Variants in LGR5 observed in about 807,000 individuals in gnomAD.
LGR5 encodes the protein leucine-rich repeat-containing G protein-coupled receptor 5.
LGR5 carries 54 observed loss-of-function variants against 76.7 expected under a neutral mutation model. The observed-to-expected ratio is 0.70, with a 90% confidence interval of 0.57 to 0.88. The LOEUF is 0.88. LGR5 is among the 40% of genes least tolerant of loss of function. LGR5 has a pLI of 0.00. For synonymous variants in LGR5, 406 were observed against 421.9 expected, an observed-to-expected ratio of 0.96 and a Z score of 0.46; for missense variants, 1,078 against 1,073.3, an observed-to-expected ratio of 1.00 and a Z score of -0.06.
intron 13 of LGR5, among the ~76,000 whole-genome samples, chr12:71,574,029 C>A (rs2137460750): frequency 6.6e-6 from 1 of 151,688 alleles, no homozygotes; most frequent in East Asian, 1.9e-4. Flanking sequence ...TCTTATTCAC[C>A]CGGTTTGATG....
chr12:71,558,676 T>C (rs1022734276), intron 6 of LGR5, among the ~76,000 whole-genome samples: 8 of 152,210 alleles, frequency 5.3e-5, no homozygotes, highest in Non-Finnish European at 8.8e-5. Flanking sequence ...TCTCTTTAAA[T>C]TAAATAGCAA....
intron 1 of LGR5, among the ~76,000 whole-genome samples, chr12:71,445,746 A>G (rs1281434528): frequency 6.6e-6 from 1 of 152,206 alleles, no homozygotes; most frequent in African/African-American, 2.4e-5. Context: ...AAATGGAATA[A>G]TGTATCTAGT....
intron 4 of LGR5, among the ~76,000 whole-genome samples, chr12:71,548,167 G>A (rs943486308): frequency 1.2e-4 from 18 of 152,152 alleles, no homozygotes; most frequent in Admixed American, 5.9e-4. Flanking sequence ...CAATTTCAAT[G>A]GATGCGTAAA....
intron 4 of LGR5, among the ~76,000 whole-genome samples, chr12:71,540,583 G>A (rs962091959): frequency 1.3e-4 from 20 of 152,040 alleles, no homozygotes; most frequent in Non-Finnish European, 1.8e-4. Context: ...TAACTTCATC[G>A]GATTCTGCAT....
chr12:71,469,187 C>T (rs1872984915), intron 1 of LGR5, among the ~76,000 whole-genome samples: 1 of 152,124 alleles, frequency 6.6e-6, no homozygotes, highest in South Asian at 2.1e-4. Context: ...ATTTATTCAG[C>T]CTGAAAAGTA....
rs78041651 is a variant in LGR5 at position 71,496,970 on chromosome 12, A to G, written c.213-7644A>G. Among the ~76,000 whole-genome samples, 248 of 152,278 alleles carry G rather than the reference A, an allele frequency of 1.6e-3. 3 individuals carry two copies. In the East Asian group the frequency reaches 0.025, roughly 15 times the overall value. On this transcript the variant is annotated intron_variant, in intron 1 of 17. Transcript: ENST00000266674. ...CATGAGGGGGTTCTGAGGTGATGTC[A>G]ATATTCTATTTCTTGATTTGTGCTA...
chr12:71,542,175 C>G (rs1255003562), intron 4 of LGR5, among the ~76,000 whole-genome samples: 1 of 152,070 alleles, frequency 6.6e-6, no homozygotes, highest in East Asian at 1.9e-4. Context: ...ATGAGGAAAC[C>G]GTAGGTGAGA....
At chr12:71,456,882 AG>A (rs1872503436) in intron 1 of LGR5, among the ~76,000 whole-genome samples, 1 of 152,046 alleles carries the variant, frequency 6.6e-6, no homozygotes, top group South Asian at 2.1e-4. Context: ...CCACTTTGAA[AG>A]GTAAAGATAT....
At chr12:71,489,573 T>C (rs971944209) in intron 1 of LGR5, among the ~76,000 whole-genome samples, 1 of 152,194 alleles carries the variant, frequency 6.6e-6, no homozygotes, top group African/African-American at 2.4e-5. Context: ...CTTCCATTAA[T>C]ATTTAGGTTT....
chr12:71,584,096 G>C lies in LGR5; in HGVS notation c.2086G>C (p.Ala696Pro). ...CTGTGCCCTGCTGGCCTTGACCATG[G>C]CCGCAGTTCCCCTGCTGGGTGGCAG... is the stretch of plus-strand genomic sequence containing the variant. ...LLCALLALTM[A>P]AVPLLGGSKY... The change falls in exon 18 of 18, where the codon GCC becomes CCC. Residue 696 changes from alanine to proline, a missense_variant. Physicochemically the swap from Ala to Pro is conservative, Grantham distance 27 (BLOSUM62 -1). Transcript: ENST00000266674. 6.2e-7 allele frequency: 1 copy of C among 1,614,198 alleles called. No individual in the cohort carries two copies. The highest frequency in any genetic ancestry group is 8.5e-7 in the Non-Finnish European group (1 of 1,180,038).
chr12:71,564,867 G>GTGTATATATACACATATATGTA lies in LGR5; in HGVS notation c.858-1537_858-1536insTGTATATATACACATATATGTA, dbSNP rs1565761886. Among the ~76,000 whole-genome samples, 96 of 150,122 alleles carry GTGTATATATACACATATATGTA rather than the reference G, an allele frequency of 6.4e-4. 3 individuals are homozygous for GTGTATATATACACATATATGTA. Among genetic ancestry groups the GTGTATATATACACATATATGTA allele is most frequent in the African/African-American group, 2.1e-3 (85 of 40,706 alleles). ...ACTGTGTATATATACACATATATGT[G>GTGTATATATACACATATATGTA]CACACACTGTATATATACATATATA... is the stretch of plus-strand genomic sequence containing the variant. On this transcript the variant is annotated intron_variant, in intron 8 of 17. Coordinates refer to ENST00000266674, the MANE Select transcript of LGR5 (RefSeq NM_003667.4).
At chr12:71,441,883 A>G (rs1268558512) in intron 1 of LGR5, 1 of 152,152 alleles carries the variant, frequency 6.6e-6, no homozygotes, top group Non-Finnish European at 1.5e-5. Context: ...CTGAACAGCT[A>G]TCTCTACTAC....
In LGR5 at chr12:71,584,563, A is replaced by G. The variant is rs1879241562; in HGVS notation, c.2553A>G (p.Ser851=). The G allele has an allele frequency of 1.2e-6, 2 of 1,614,090 alleles. No homozygotes were observed. Among genetic ancestry groups the G allele is most frequent in the East Asian group, 4.5e-5 (2 of 44,872 alleles). Residue 851 remains serine, a synonymous_variant, in exon 18 of 18, where the codon TCA becomes TCG. Transcript: ENST00000266674. ...WTRSKHPSLM[S]INSDDVEKQS... is the part of the protein sequence containing the mutation. ...GATCAAAACACCCAAGCTTGATGTC[A>G]ATTAACTCTGATGATGTCGAAAAAC...
chr12:71,464,471 A>G (rs1170940340), intron 1 of LGR5, among the ~76,000 whole-genome samples: 1 of 152,226 alleles, frequency 6.6e-6, no homozygotes, highest in African/African-American at 2.4e-5. Context: ...AATACACTTA[A>G]TAAGTGTTTT....
chr12:71,527,960 T>G (rs941423087), intron 3 of LGR5, among the ~76,000 whole-genome samples: 2 of 152,202 alleles, frequency 1.3e-5, no homozygotes, highest in African/African-American at 4.8e-5. Context: ...TTACTGTCCC[T>G]CCATACCAAC....
At chr12:71,581,646 TC>T (rs1319653815) in intron 16 of LGR5, among the ~76,000 whole-genome samples, 1 of 152,246 alleles carries the variant, frequency 6.6e-6, no homozygotes, top group East Asian at 1.9e-4. Context: ...TTTTTGCTCT[TC>T]CTGCCTCACC....
At chr12:71,478,184 A>G (rs1873424706) in intron 1 of LGR5, among the ~76,000 whole-genome samples, 1 of 152,132 alleles carries the variant, frequency 6.6e-6, no homozygotes, top group Non-Finnish European at 1.5e-5. Flanking sequence ...ATATTTTCTT[A>G]CACTTTGTAA....
chr12:71,441,266 G>A (rs1275392411), intron 1 of LGR5, among the ~76,000 whole-genome samples: 1 of 152,156 alleles, frequency 6.6e-6, no homozygotes, highest in Non-Finnish European at 1.5e-5. Context: ...CCCTATTCTC[G>A]GAGACCAAGG....
At chr12:71,553,501 G>A (rs1565749730) in intron 5 of LGR5, among the ~76,000 whole-genome samples, 1 of 151,958 alleles carries the variant, frequency 6.6e-6, no homozygotes, top group African/African-American at 2.4e-5. Flanking sequence ...AGCACAGCAG[G>A]GCATACAAAG....
Sources: allele counts gnomAD v4.1 joint callset (sites outside exome capture counted in the v4.1 genomes callset), GRCh38; gene constraint gnomAD v4.1.1; transcripts MANE v1.5; gene names NCBI Gene and HGNC (gene_info 2026-07-23, HGNC 2026-07-21).